The following SGCD variants were observed in gnomAD, a reference collection of about 807,000 sequenced individuals.
The protein encoded by SGCD is delta-sarcoglycan.
A neutral mutation model predicts 36.6 loss-of-function variants in SGCD; 18 were observed. That is an observed-to-expected ratio of 0.49 (90% confidence interval 0.34 to 0.73). The LOEUF (loss-of-function observed/expected upper bound fraction) is 0.73, where lower values mean the gene tolerates loss of function less well. Among genes scored for constraint, SGCD ranks in the 30% least tolerant of loss-of-function variants. The probability of loss-of-function intolerance (pLI) is 0.01; values close to 1 mark genes in which losing one functional copy is unlikely to be tolerated. For synonymous variants in SGCD, 133 were observed against 130.6 expected (o/e 1.02, Z -0.12); for missense variants, 387 against 346.7 (o/e 1.12, Z -0.92).
At chr5:156,503,043 T>C (rs983095667) in intron 3 of SGCD, among the ~76,000 whole-genome samples, 8 of 152,090 alleles carry the variant, frequency 5.3e-5, no homozygotes, top group Admixed American at 1.3e-4. Context: ...GGAAAAATGA[T>C]GGGGATTTGG....
At chr5:156,086,379 G>A (rs1761091746) in intron 1 of SGCD, among the ~76,000 whole-genome samples, 1 of 152,240 alleles carries the variant, frequency 6.6e-6, no homozygotes, top group African/African-American at 2.4e-5. Flanking sequence ...TGGGAGGGCA[G>A]TGACTTATTG....
intron 1 of SGCD, among the ~76,000 whole-genome samples, chr5:155,889,138 C>A (rs567867865): frequency 5.3e-5 from 8 of 152,172 alleles, no homozygotes; most frequent in Non-Finnish European, 1.2e-4. Flanking sequence ...AAGAGCATAT[C>A]TCAAACATCT....
chr5:156,551,838 T>C (rs1374994343), intron 4 of SGCD, among the ~76,000 whole-genome samples: 1 of 152,122 alleles, frequency 6.6e-6, no homozygotes, highest in African/African-American at 2.4e-5. Flanking sequence ...TGCTGTGCAT[T>C]CTCTCATTTT....
At chr5:156,410,837 GT>G (rs1305843403) in intron 3 of SGCD, among the ~76,000 whole-genome samples, 1 of 151,882 alleles carries the variant, frequency 6.6e-6, no homozygotes, top group African/African-American at 2.4e-5. Context: ...CTGTCCTGCT[GT>G]TTTTCCCACT....
intron 6 of SGCD, among the ~76,000 whole-genome samples, chr5:156,606,234 G>A (rs1197095251): frequency 6.6e-6 from 1 of 152,180 alleles, no homozygotes; most frequent in Non-Finnish European, 1.5e-5. Flanking sequence ...AAGGTCTAAG[G>A]AAGGGATCCA....
At chr5:156,024,477 C>T (rs145825229) in intron 1 of SGCD, among the ~76,000 whole-genome samples, 1,713 of 152,012 alleles carry the variant, frequency 0.011, 19 homozygotes, top group Non-Finnish European at 0.015. Context: ...TAGTACCTCT[C>T]TTGACCTTTT....
the SGCD span, among the ~76,000 whole-genome samples, chr5:155,780,112 T>G: frequency 1.3e-5 from 2 of 152,188 alleles, no homozygotes; most frequent in Non-Finnish European, 2.9e-5. Flanking sequence ...GTCCATTTTT[T>G]TTTCTAAATG....
intron 3 of SGCD, among the ~76,000 whole-genome samples, chr5:156,449,923 C>G (rs374078842): frequency 1.3e-5 from 2 of 150,842 alleles, no homozygotes; most frequent in Admixed American, 6.6e-5. Context: ...GCTATCAACT[C>G]TGTGTGTGCA....
intron 7 of SGCD, among the ~76,000 whole-genome samples, chr5:156,682,042 G>A (rs1041617902): frequency 6.6e-6 from 1 of 152,176 alleles, no homozygotes; most frequent in Non-Finnish European, 1.5e-5. Flanking sequence ...ATGAAAACCT[G>A]CTTAGAATCT....
intron 3 of SGCD, among the ~76,000 whole-genome samples, chr5:156,470,474 C>A (rs564032230): frequency 7.9e-5 from 12 of 152,076 alleles, no homozygotes; most frequent in Non-Finnish European, 1.3e-4. Flanking sequence ...GTTATATCTC[C>A]TAATGCTATC....
chr5:156,107,372 G>C (rs543920805), intron 1 of SGCD, among the ~76,000 whole-genome samples: 3 of 152,066 alleles, frequency 2.0e-5, no homozygotes, highest in African/African-American at 7.2e-5. Flanking sequence ...GAAGGTTCAC[G>C]GAACCCCTAG....
intron 3 of SGCD, among the ~76,000 whole-genome samples, chr5:156,495,314 C>T (rs1756134545): frequency 6.6e-6 from 1 of 152,100 alleles, no homozygotes; most frequent in South Asian, 2.1e-4. Flanking sequence ...GACATTATAA[C>T]TTGAGGAGAG....
intron 1 of SGCD, among the ~76,000 whole-genome samples, chr5:155,940,418 C>T (rs1378123217): frequency 2.0e-5 from 3 of 152,148 alleles, no homozygotes; most frequent in African/African-American, 7.2e-5. Context: ...GATGTGTGAG[C>T]CTGGGCAAGT....
intron 7 of SGCD, among the ~76,000 whole-genome samples, chr5:156,701,666 C>T (rs1199375027): frequency 6.6e-6 from 1 of 152,076 alleles, no homozygotes; most frequent in Non-Finnish European, 1.5e-5. Flanking sequence ...AAACAGAAAG[C>T]CTCTGAAGAG....
At chr5:155,769,039 A>G in the SGCD span, among the ~76,000 whole-genome samples, 2 of 152,196 alleles carry the variant, frequency 1.3e-5, no homozygotes, top group South Asian at 4.1e-4. Context: ...TTGAGTAAAT[A>G]CATTACAGAA....
At chr5:155,966,957 G>GTA (rs754491671) in intron 1 of SGCD, among the ~76,000 whole-genome samples, 96 of 149,684 alleles carry the variant, frequency 6.4e-4, no homozygotes, top group African/African-American at 2.3e-3. Flanking sequence ...GTGTGTGTGT[G>GTA]TATGTGTGTG....
intron 3 of SGCD, among the ~76,000 whole-genome samples, chr5:156,196,955 A>C (rs941858182): frequency 6.6e-6 from 1 of 152,172 alleles, no homozygotes; most frequent in Non-Finnish European, 1.5e-5. Flanking sequence ...GCAGTTCTCC[A>C]TAATCTGCCT....
the SGCD span, among the ~76,000 whole-genome samples, chr5:155,766,613 A>G: frequency 6.6e-6 from 1 of 152,216 alleles, no homozygotes; most frequent in Non-Finnish European, 1.5e-5. Flanking sequence ...CTAATAAAAA[A>G]TAAATTCACT....
chr5:155,868,075 G>A (rs1755555298), upstream of SGCD, among the ~76,000 whole-genome samples: 1 of 151,292 alleles, frequency 6.6e-6, no homozygotes, highest in South Asian at 2.1e-4. Flanking sequence ...TTTTCGAGAT[G>A]GAGTCTTGCT....
Sources: allele counts gnomAD v4.1 joint callset (sites outside exome capture counted in the v4.1 genomes callset), GRCh38; gene constraint gnomAD v4.1.1; transcripts MANE v1.5; gene names NCBI Gene and HGNC (gene_info 2026-07-23, HGNC 2026-07-21).